The following SLC35F1 variants were observed in gnomAD, a reference collection of about 807,000 sequenced individuals.
The protein encoded by SLC35F1 is chromosome 6 open reading frame 169.
Under a neutral mutation model 48.7 loss-of-function variants are expected in SLC35F1, and 14 were observed. The ratio of observed to expected loss-of-function variants is 0.29; its 90% confidence interval spans 0.19 to 0.45. SLC35F1 has a LOEUF of 0.45. Ranked by LOEUF, SLC35F1 falls within the 20% of genes least tolerant of loss-of-function variation. The pLI is 1.00. For missense variants in SLC35F1, 404 were observed against 500.0 expected (o/e 0.81, Z 1.83); for synonymous variants, 190 against 202.2 (o/e 0.94, Z 0.51).
intron 1 of SLC35F1, among the ~76,000 whole-genome samples, chr6:118,032,752 T>C (rs1486736196): frequency 6.6e-6 from 1 of 152,236 alleles, no homozygotes; most frequent in African/African-American, 2.4e-5. Context: ...CATCATGCTC[T>C]CCTGTAACCT....
intron 1 of SLC35F1, among the ~76,000 whole-genome samples, chr6:117,976,298 A>G (rs562213874): frequency 1.1e-3 from 162 of 152,190 alleles, no homozygotes; most frequent in Non-Finnish European, 2.0e-3. Flanking sequence ...CTCACCTCCA[A>G]GGTAAACCGG....
intron 2 of SLC35F1, among the ~76,000 whole-genome samples, chr6:118,208,341 C>T (rs1229574054): frequency 1.3e-5 from 2 of 152,192 alleles, no homozygotes; most frequent in Non-Finnish European, 2.9e-5. Context: ...TTTTATCCCT[C>T]TAATACAGAA....
At chr6:118,093,630 C>T (rs1773108452) in intron 1 of SLC35F1, among the ~76,000 whole-genome samples, 1 of 152,214 alleles carries the variant, frequency 6.6e-6, no homozygotes, top group Admixed American at 6.5e-5. Context: ...GTGAGGCCTT[C>T]CCAGCCATGT....
At chr6:118,114,295 T>G (rs551491120) in intron 1 of SLC35F1, among the ~76,000 whole-genome samples, 38 of 152,202 alleles carry the variant, frequency 2.5e-4, no homozygotes, top group Non-Finnish European at 5.0e-4. Context: ...CATTTTCATT[T>G]TAGGCATGGG....
At position 118,256,940 on chromosome 6, in the gene SLC35F1, T is replaced by C. The variant is rs375490664; in HGVS notation, c.478-10055T>C. Among the ~76,000 whole-genome samples the C allele has an allele frequency of 3.2e-4, 49 of 152,312 alleles. 1 individual carries two copies. In the South Asian group the frequency reaches 0.01, roughly 32 times the overall value. On this transcript the variant is annotated intron_variant, in intron 3 of 7. Transcript: ENST00000360388. Reference sequence around the variant, plus strand: ...AAGATAACCATTGTTAACATTTTATTCTTATAGATTCTAATTTTCTCCATC... The same window carrying C: ...AAGATAACCATTGTTAACATTTTATCCTTATAGATTCTAATTTTCTCCATC...
intron 6 of SLC35F1, among the ~76,000 whole-genome samples, chr6:118,281,198 C>CTATATA (rs1349203619): frequency 1.1e-3 from 136 of 121,974 alleles, no homozygotes; most frequent in Admixed American, 4.1e-3. Context: ...CTCTCTCTCT[C>CTATATA]TCTCTCTATA....
At chr6:118,001,472 C>T (rs1397402806) in intron 1 of SLC35F1, among the ~76,000 whole-genome samples, 7 of 152,246 alleles carry the variant, frequency 4.6e-5, no homozygotes, top group African/African-American at 9.6e-5. Context: ...AAGACTTAAA[C>T]GTCAGATCTA....
intron 1 of SLC35F1, among the ~76,000 whole-genome samples, chr6:117,935,682 A>G (rs908126982): frequency 1.1e-4 from 17 of 152,152 alleles, no homozygotes; most frequent in Non-Finnish European, 2.1e-4. Context: ...ATCACCAACA[A>G]AATGCACAAA....
At chr6:117,915,147 G>C (rs947187605) in intron 1 of SLC35F1, among the ~76,000 whole-genome samples, 6 of 152,188 alleles carry the variant, frequency 3.9e-5, no homozygotes, top group Non-Finnish European at 5.9e-5. Flanking sequence ...ATATGCAAGA[G>C]TATATTTTAT....
chr6:118,302,476 C>T (rs959381849), intron 7 of SLC35F1, among the ~76,000 whole-genome samples: 1 of 152,104 alleles, frequency 6.6e-6, no homozygotes, highest in Non-Finnish European at 1.5e-5. Flanking sequence ...ACAAAGAAGT[C>T]CTTTTCAAGT....
intron 1 of SLC35F1, among the ~76,000 whole-genome samples, chr6:117,970,153 A>G (rs756200205): frequency 6.6e-6 from 1 of 152,168 alleles, no homozygotes; most frequent in Non-Finnish European, 1.5e-5. Flanking sequence ...CTATAACTGG[A>G]TGATGTATTC....
Position 118,316,756 on chromosome 6 carries a change from A to C in SLC35F1, c.*2504A>C, listed in dbSNP as rs2114678673. On this transcript the variant is annotated 3_prime_UTR_variant, in exon 8 of 8. Transcript: ENST00000360388. ...TCCATTGTATGGAAACCAAGTGTGA[A>C]TGTTAAGATGAATTTGCCGTATACC... 6.6e-6 allele frequency: 1 copy of C among 152,308 alleles called. No individual in the cohort carries two copies. Among genetic ancestry groups the C allele is most frequent in the South Asian group, 2.1e-4 (1 of 4,824 alleles). 9.4% of individuals were successfully genotyped at this position (152,308 alleles called of 1,614,324 possible). A position where few individuals can be genotyped will look rare whatever the true frequency, so the allele number is the denominator to read the frequency against.
chr6:117,978,109 G>A (rs901043274), intron 1 of SLC35F1, among the ~76,000 whole-genome samples: 3 of 151,924 alleles, frequency 2.0e-5, no homozygotes, highest in African/African-American at 4.8e-5. Context: ...CTTCAGATGT[G>A]TTTATCTGAA....
intron 1 of SLC35F1, among the ~76,000 whole-genome samples, chr6:118,079,210 C>G (rs1171923097): frequency 6.6e-6 from 1 of 152,076 alleles, no homozygotes; most frequent in Non-Finnish European, 1.5e-5. Flanking sequence ...TTTTCCCTTC[C>G]TCTCAGCTCT....
In SLC35F1 at chr6:118,265,782, T is replaced by G. The variant is rs1775766047; in HGVS notation, c.478-1213T>G. Among the ~76,000 whole-genome samples the G allele has an allele frequency of 2.6e-5, 4 of 152,240 alleles. No individual in the cohort carries two copies. The South Asian group carries it at 8.3e-4, about 31-fold the overall frequency. ...AGGATCACTGCCCTGTACTGGCAGC[T>G]GGGTGGTAGAGGCCACTTGTTTAGA... On this transcript the variant is annotated intron_variant, in intron 3 of 7. Coordinates refer to ENST00000360388, the MANE Select transcript of SLC35F1 (RefSeq NM_001029858.4).
At chr6:118,147,348 T>C (rs993640061) in intron 1 of SLC35F1, among the ~76,000 whole-genome samples, 1 of 152,168 alleles carries the variant, frequency 6.6e-6, no homozygotes, top group Non-Finnish European at 1.5e-5. Context: ...ATACACAGCC[T>C]GGGCATCGGA....
At chr6:118,255,022 G>A (rs1775624714) in intron 3 of SLC35F1, among the ~76,000 whole-genome samples, 1 of 152,162 alleles carries the variant, frequency 6.6e-6, no homozygotes, top group Admixed American at 6.5e-5. Flanking sequence ...TAGCCTCAGA[G>A]TTTTCTCTCT....
At chr6:117,996,469 A>G (rs1438941809) in intron 1 of SLC35F1, among the ~76,000 whole-genome samples, 1 of 152,214 alleles carries the variant, frequency 6.6e-6, no homozygotes, top group Non-Finnish European at 1.5e-5. Context: ...GAACGGGCAG[A>G]CTGCCTCCTC....
intron 1 of SLC35F1, among the ~76,000 whole-genome samples, chr6:117,945,734 G>A (rs1349411910): frequency 6.6e-6 from 1 of 152,154 alleles, no homozygotes; most frequent in Non-Finnish European, 1.5e-5. Flanking sequence ...GTTGCCATGT[G>A]TCTTCACAGC....
Sources: gnomAD v4.1 joint callset for allele counts (sites outside exome capture counted in the v4.1 genomes callset) on GRCh38, gnomAD v4.1.1 for gene constraint, MANE v1.5 for transcripts, NCBI Gene and HGNC (gene_info 2026-07-23, HGNC 2026-07-21) for gene names.